The following OPCML variants were observed in gnomAD, a reference collection of about 807,000 sequenced individuals.
OPCML encodes opioid-binding protein/cell adhesion molecule.
A neutral mutation model predicts 37.8 loss-of-function variants in OPCML; 13 were observed. The observed-to-expected ratio is 0.34, with a 90% CI of 0.22 to 0.55. The LOEUF (loss-of-function observed/expected upper bound fraction) is 0.55. Ranked by LOEUF, OPCML falls within the 20% of genes least tolerant of loss-of-function variation. OPCML has a pLI of 0.91. For missense variants in OPCML, 341 were observed against 435.6 expected (o/e 0.78, Z 1.93); for synonymous variants, 176 against 168.8 (o/e 1.04, Z -0.33).
At chr11:132,843,953 T>G (rs1309804999) in intron 2 of OPCML, among the ~76,000 whole-genome samples, 3 of 152,162 alleles carry the variant, frequency 2.0e-5, no homozygotes, top group Admixed American at 1.3e-4. Flanking sequence ...TGAATTCCCA[T>G]GTGTTGTGGG....
intron 2 of OPCML, among the ~76,000 whole-genome samples, chr11:132,791,073 G>A (rs1937873575): frequency 6.6e-6 from 1 of 152,174 alleles, no homozygotes; most frequent in African/African-American, 2.4e-5. Flanking sequence ...TGGCTGTGGG[G>A]TATTGTAACA....
chr11:133,065,321 G>A (rs535489779), intron 1 of OPCML: 1 of 152,324 alleles, frequency 6.6e-6, no homozygotes. Context: ...CTCCAGAAGG[G>A]GTGCCGATGA....
At chr11:132,461,424 ATGG>A (rs1189586637) in intron 4 of OPCML, among the ~76,000 whole-genome samples, 1 of 152,178 alleles carries the variant, frequency 6.6e-6, no homozygotes, top group Non-Finnish European at 1.5e-5. Flanking sequence ...GAGGTTCTAA[ATGG>A]TGGTGCATCC....
At chr11:132,487,001 G>C (rs1183844094) in intron 4 of OPCML, among the ~76,000 whole-genome samples, 1 of 152,146 alleles carries the variant, frequency 6.6e-6, no homozygotes, top group Non-Finnish European at 1.5e-5. Flanking sequence ...GTGGGTAGTT[G>C]AATAAATGAT....
intron 2 of OPCML, among the ~76,000 whole-genome samples, chr11:132,762,890 G>A (rs947735433): frequency 6.6e-6 from 1 of 152,114 alleles, no homozygotes; most frequent in Non-Finnish European, 1.5e-5. Context: ...CTAGCTCGGT[G>A]CCTGCCCAAA....
At chr11:133,481,933 A>T (rs1049284937) in intron 1 of OPCML, among the ~76,000 whole-genome samples, 3 of 152,186 alleles carry the variant, frequency 2.0e-5, no homozygotes, top group Non-Finnish European at 4.4e-5. Context: ...ATGAGAGAGG[A>T]AACCTGAGGT....
At chr11:133,036,870 A>T (rs927714209) in intron 1 of OPCML, among the ~76,000 whole-genome samples, 13 of 152,152 alleles carry the variant, frequency 8.5e-5, no homozygotes, top group African/African-American at 2.9e-4. Flanking sequence ...GTTGTCCCAC[A>T]TCTATTCCTC....
intron 3 of OPCML, among the ~76,000 whole-genome samples, chr11:132,577,549 C>A (rs1342451131): frequency 6.6e-6 from 1 of 152,000 alleles, no homozygotes; most frequent in Non-Finnish European, 1.5e-5. Context: ...AAAATACAAC[C>A]ACAGCAATGA....
chr11:133,047,893 C>T (rs565292527), intron 1 of OPCML, among the ~76,000 whole-genome samples: 1 of 152,328 alleles, frequency 6.6e-6, no homozygotes, highest in African/African-American at 2.4e-5. Context: ...AGCCAGGCTT[C>T]CTCTGAGAGC....
intron 3 of OPCML, among the ~76,000 whole-genome samples, chr11:132,544,220 GA>G (rs138080916): frequency 1.5e-4 from 23 of 148,478 alleles, no homozygotes; most frequent in South Asian, 4.3e-4. Flanking sequence ...TAAAGCACGT[GA>G]AAAAAAAAAT....
At chr11:132,950,830 C>G (rs1945841138) in intron 1 of OPCML, among the ~76,000 whole-genome samples, 2 of 152,188 alleles carry the variant, frequency 1.3e-5, no homozygotes, top group Admixed American at 1.3e-4. Context: ...TCTACTTGGT[C>G]ACAACTCATC....
At position 132,864,319 on chromosome 11, in the gene OPCML, T is replaced by C. The variant is rs375656379; in HGVS notation, c.146+78607A>G. On this transcript the variant is annotated intron_variant, in intron 2 of 7. Transcript: ENST00000524381. ...CTCCAATTAATCTGCCTTTTGTGAA[T>C]TGATTTTTCAGCAAACCTTCAGAAG... Among the ~76,000 whole-genome samples the C allele has an allele frequency of 1.3e-4, 20 of 152,328 alleles. No homozygotes were observed. In the East Asian group the frequency reaches 3.5e-3, roughly 27 times the overall value.
chr11:133,006,570 G>C, intron 1 of OPCML: 1 of 985,356 alleles, frequency 1.0e-6, no homozygotes, highest in South Asian at 4.7e-5. Flanking sequence ...TTTGCTATAG[G>C]GTGCTGTTGA....
chr11:132,979,868 T>C (rs1946546265), intron 1 of OPCML, among the ~76,000 whole-genome samples: 1 of 152,090 alleles, frequency 6.6e-6, no homozygotes, highest in African/African-American at 2.4e-5. Flanking sequence ...AGGGGGATTA[T>C]AAAGGCAGGA....
At chr11:132,538,174 G>C (rs1043744558) in intron 3 of OPCML, among the ~76,000 whole-genome samples, 2 of 152,128 alleles carry the variant, frequency 1.3e-5, no homozygotes, top group Non-Finnish European at 2.9e-5. Flanking sequence ...TCTATCAAGA[G>C]ATGAATGGAT....
chr11:132,444,075 G>A (rs768049101), intron 4 of OPCML, among the ~76,000 whole-genome samples: 5 of 152,160 alleles, frequency 3.3e-5, no homozygotes, highest in Admixed American at 2.0e-4. Context: ...GAGCTGTGTC[G>A]CAATGCAGAG....
intron 1 of OPCML, among the ~76,000 whole-genome samples, chr11:133,165,188 G>C (rs1023112521): frequency 1.3e-5 from 2 of 152,192 alleles, no homozygotes; most frequent in Non-Finnish European, 2.9e-5. Flanking sequence ...CTCTCTGCTG[G>C]GCTTTGCAGA....
intron 1 of OPCML, among the ~76,000 whole-genome samples, chr11:133,012,721 C>T (rs534467547): frequency 3.2e-4 from 48 of 152,040 alleles, no homozygotes; most frequent in African/African-American, 1.0e-3. Flanking sequence ...ACTAAAAATA[C>T]AAAATTAGAC....
chr11:133,238,390 C>T (rs1021473071), intron 1 of OPCML, among the ~76,000 whole-genome samples: 3 of 152,370 alleles, frequency 2.0e-5, no homozygotes, highest in African/African-American at 7.2e-5. Context: ...AGACTATTTA[C>T]TGATAAATTT....
Sources: gnomAD v4.1 joint callset for allele counts (sites outside exome capture counted in the v4.1 genomes callset) on GRCh38, gnomAD v4.1.1 for gene constraint, MANE v1.5 for transcripts, NCBI Gene and HGNC (gene_info 2026-07-23, HGNC 2026-07-21) for gene names.